The following BBOF1 variants were observed in gnomAD, a reference collection of about 807,000 sequenced individuals.
BBOF1 encodes the protein basal body-orientation factor 1.
In BBOF1, 62 loss-of-function variants were observed where a neutral mutation model predicts 68.0. The observed-to-expected ratio is 0.91, with a 90% CI of 0.74 to 1.13. BBOF1 has a LOEUF of 1.13. BBOF1 is among the 50% of genes most tolerant of loss of function. The probability of loss-of-function intolerance (pLI) is 0.00; values close to 1 mark genes in which losing one functional copy is unlikely to be tolerated. For synonymous variants in BBOF1, 208 were observed against 198.8 expected (o/e 1.05, Z -0.39); for missense variants, 534 against 600.1 (o/e 0.89, Z 1.15).
intron 7 of BBOF1, among the ~76,000 whole-genome samples, chr14:74,049,203 TTTC>T (rs2060014573): frequency 6.6e-6 from 1 of 152,000 alleles, no homozygotes; most frequent in African/African-American, 2.4e-5. Flanking sequence ...TGCAAGAAAG[TTTC>T]TTAATTAGCA....
At chr14:74,068,832 A>G (rs1320470392), downstream of BBOF1, 1 of 1,613,220 alleles carries the variant, frequency 6.2e-7, no homozygotes, top group South Asian at 1.1e-5. Flanking sequence ...TAGAACAAAG[A>G]TTGGAGAAAA....
chr14:74,050,265 A>C, intron 8 of BBOF1, 70 bp downstream of exon 8: 3 of 1,488,756 alleles, frequency 2.0e-6, no homozygotes, highest in Non-Finnish European at 2.7e-6. Context: ...AGGAAGTCTG[A>C]AAAGTTTAGT....
intron 4 of BBOF1, among the ~76,000 whole-genome samples, chr14:74,039,136 T>C (rs1306626930): frequency 6.6e-6 from 1 of 152,192 alleles, no homozygotes; most frequent in Non-Finnish European, 1.5e-5. Flanking sequence ...AGTTTCTTTT[T>C]TCCTTTGCTG....
downstream of BBOF1, among the ~76,000 whole-genome samples, chr14:74,070,102 A>AGC (rs2060528737): frequency 1.3e-5 from 2 of 151,926 alleles, no homozygotes; most frequent in African/African-American, 4.8e-5. Flanking sequence ...TCACCTCCCA[A>AGC]AGTGCTGGGA....
chr14:74,034,962 C>CACAA (rs2059661685), intron 4 of BBOF1, among the ~76,000 whole-genome samples: 1 of 152,018 alleles, frequency 6.6e-6, no homozygotes, highest in Non-Finnish European at 1.5e-5. Context: ...CACAGTGGCT[C>CACAA]GTGCGTATAG....
intron 8 of BBOF1, among the ~76,000 whole-genome samples, chr14:74,053,906 GCT>G (rs2060124592): frequency 6.7e-6 from 1 of 150,372 alleles, no homozygotes; most frequent in South Asian, 2.1e-4. Context: ...CAGAGTCTTC[GCT>G]CTGTCACCCA....
At chr14:74,024,473 T>C (rs1329426417) in intron 2 of BBOF1, among the ~76,000 whole-genome samples, 1 of 152,054 alleles carries the variant, frequency 6.6e-6, no homozygotes, top group African/African-American at 2.4e-5. Flanking sequence ...TATTACTTTA[T>C]TATTATTTTT....
At chr14:74,067,243 A>G (rs1007482263), downstream of BBOF1, 1 of 1,070,786 alleles carries the variant, frequency 9.3e-7, no homozygotes, top group Non-Finnish European at 1.4e-6. Flanking sequence ...GATGACTCCA[A>G]ATGACAAGTA....
At chr14:74,069,096 TTTTTC>T (rs1181904936), downstream of BBOF1, 1 of 984,526 alleles carries the variant, frequency 1.0e-6, no homozygotes, top group East Asian at 3.2e-5. Flanking sequence ...TTTCTTTTAC[TTTTTC>T]TTTTTTTTTT....
chr14:74,050,117 A>G lies in BBOF1; in HGVS notation c.1208A>G (p.Tyr403Cys). Reference protein sequence around the residue: ...MRAACTGRTEYPKIRTFDGRE... With the variant: ...MRAACTGRTECPKIRTFDGRE... Reference sequence around the variant, plus strand: ...GCAGCATGTACAGGAAGAACAGAATATCCCAAAATCAGAACATTTGATGGC... The same window carrying G: ...GCAGCATGTACAGGAAGAACAGAATGTCCCAAAATCAGAACATTTGATGGC... Residue 403 changes from tyrosine (Y) to cysteine (C), a missense_variant, in exon 8 of 12, where the codon TAT becomes TGT. Transcript: ENST00000394009. 1 of 1,610,176 alleles carries G rather than the reference A, an allele frequency of 6.2e-7. No individual in the cohort carries two copies. The highest frequency in any genetic ancestry group is 8.5e-7 in the Non-Finnish European group (1 of 1,177,560).
chr14:74,034,681 A>G (rs948513291), intron 4 of BBOF1, among the ~76,000 whole-genome samples: 1 of 152,198 alleles, frequency 6.6e-6, no homozygotes, highest in Admixed American at 6.6e-5. Context: ...TGATAATTCA[A>G]TAAGTGGCAC....
At chr14:74,069,348 C>T (rs144897842), downstream of BBOF1, 1,406 of 309,670 alleles carry the variant, frequency 4.5e-3, 37 homozygotes, top group Admixed American at 0.044. Context: ...GTGATCCACT[C>T]GCCTTGGCCT....
intron 5 of BBOF1, among the ~76,000 whole-genome samples, chr14:74,042,925 A>G (rs2059860548): frequency 6.7e-6 from 1 of 150,370 alleles, no homozygotes; most frequent in Admixed American, 6.7e-5. Context: ...TGGGAAAGTG[A>G]ATGTTTGTTT....
At chr14:74,024,192 C>T (rs1183401733) in intron 2 of BBOF1, among the ~76,000 whole-genome samples, 1 of 152,096 alleles carries the variant, frequency 6.6e-6, no homozygotes, top group Non-Finnish European at 1.5e-5. Flanking sequence ...GGTGTGGTAG[C>T]TCATGCCTAT....
At chr14:74,023,881 A>T (rs1003212375) in intron 2 of BBOF1, among the ~76,000 whole-genome samples, 2 of 143,152 alleles carry the variant, frequency 1.4e-5, no homozygotes, top group Non-Finnish European at 3.0e-5. Flanking sequence ...ATACCATTAC[A>T]CTCCAGCCTG....
At chr14:74,077,302 C>G (rs2060622920) in intron 9 of BBOF1, among the ~76,000 whole-genome samples, 1 of 152,160 alleles carries the variant, frequency 6.6e-6, no homozygotes, top group African/African-American at 2.4e-5. Context: ...TGAAAGCAGC[C>G]AATACTTCCC....
chr14:74,072,547 A>G lies in BBOF1; in HGVS notation n.1380-5649A>G, dbSNP rs747261685. ...AGCAGCTTCGCTTACTGGGTTGTGG[A>G]TATCGATCCATTTGTCACTTTTGGA... On this transcript the variant is annotated intron_variant and non_coding_transcript_variant, in intron 9 of 12. Coordinates refer to the BBOF1 transcript ENST00000492026. 4 of 1,614,176 alleles carry G rather than the reference A, an allele frequency of 2.5e-6. No homozygotes were observed. The South Asian group carries it at 4.4e-5, about 18-fold the overall frequency.
chr14:74,055,234 C>T (rs1164543006), intron 8 of BBOF1: 7 of 212,790 alleles, frequency 3.3e-5, no homozygotes, highest in Middle Eastern at 3.9e-3. Context: ...CTGCAGCCTC[C>T]GCCTCCTGGG....
chr14:74,050,838 G>A (rs528677960), intron 8 of BBOF1, among the ~76,000 whole-genome samples: 9 of 152,138 alleles, frequency 5.9e-5, no homozygotes, highest in Non-Finnish European at 1.0e-4. Flanking sequence ...GCCAGGCATG[G>A]TGGCTTACAC....
Sources: gnomAD v4.1 joint callset for allele counts (sites outside exome capture counted in the v4.1 genomes callset) on GRCh38, gnomAD v4.1.1 for gene constraint, MANE v1.5 for transcripts, NCBI Gene and HGNC (gene_info 2026-07-23, HGNC 2026-07-21) for gene names.